ATG10: variants seen among roughly 807,000 people sequenced by gnomAD.
ATG10 encodes the protein ubiquitin-like-conjugating enzyme ATG10.
In ATG10, 30 loss-of-function variants were observed where a neutral mutation model predicts 32.1. That is an observed-to-expected ratio of 0.94 (90% CI 0.70 to 1.27). The LOEUF is 1.27. Ranked by LOEUF, ATG10 falls within the 50% of genes most tolerant of loss-of-function variation. The pLI is 0.00. For missense variants in ATG10, 233 were observed against 262.3 expected (o/e 0.89, Z 0.77); for synonymous variants, 87 against 91.5 (o/e 0.95, Z 0.28).
At chr5:82,187,073 C>T (rs1744475172) in intron 5 of ATG10, among the ~76,000 whole-genome samples, 3 of 150,792 alleles carry the variant, frequency 2.0e-5, no homozygotes, top group Admixed American at 6.6e-5. Flanking sequence ...CTCAGGAGGC[C>T]GAGGTGGGAG....
At chr5:82,064,884 A>T (rs988585632) in intron 3 of ATG10, among the ~76,000 whole-genome samples, 3 of 152,160 alleles carry the variant, frequency 2.0e-5, no homozygotes, top group Non-Finnish European at 2.9e-5. Flanking sequence ...ATTCATTTCA[A>T]CTCATGATAT....
At position 82,090,279 on chromosome 5, in the gene ATG10, A is replaced by G. The variant is rs537905704; in HGVS notation, c.216+31677A>G. Reference sequence around the variant, plus strand: ...TCTGGGCATCTATCCCCGAGAAATTAAAACTTATGTTCACTCAAAAACCTG... The same window carrying G: ...TCTGGGCATCTATCCCCGAGAAATTGAAACTTATGTTCACTCAAAAACCTG... On this transcript the variant is annotated intron_variant, in intron 3 of 7. Coordinates refer to ENST00000282185, the MANE Select transcript of ATG10 (RefSeq NM_031482.5). 3.3e-5 allele frequency among the ~76,000 whole-genome samples: 5 copies of G among 152,294 alleles called. No individual in the cohort carries two copies. The East Asian group carries it at 9.6e-4, about 29-fold the overall frequency.
intron 2 of ATG10, among the ~76,000 whole-genome samples, chr5:81,999,126 A>G (rs1007709571): frequency 2.2e-4 from 33 of 150,480 alleles, no homozygotes; most frequent in African/African-American, 7.8e-4. Flanking sequence ...ACACTCAGAC[A>G]TAAAAAAATC....
At chr5:82,191,702 G>T (rs1229280970) in intron 5 of ATG10, among the ~76,000 whole-genome samples, 1 of 152,080 alleles carries the variant, frequency 6.6e-6, no homozygotes, top group East Asian at 1.9e-4. Context: ...TTCTCAAAAC[G>T]GTATTGTATT....
chr5:82,020,509 A>G (rs1762406105), intron 2 of ATG10, among the ~76,000 whole-genome samples: 1 of 152,212 alleles, frequency 6.6e-6, no homozygotes, highest in South Asian at 2.1e-4. Context: ...TAAAACAACC[A>G]TTTATTATTT....
chr5:82,205,453 T>A (rs533139623), intron 5 of ATG10, among the ~76,000 whole-genome samples: 1 of 152,028 alleles, frequency 6.6e-6, no homozygotes, highest in African/African-American at 2.4e-5. Flanking sequence ...GAAGGGAAGA[T>A]AGGAGGAAGA....
In ATG10 at chr5:82,048,286, T is replaced by C. The variant is rs565147640; in HGVS notation, c.109-10209T>C. Among the ~76,000 whole-genome samples, 62 of 143,186 alleles carry C rather than the reference T, an allele frequency of 4.3e-4. 1 individual carries two copies. In the South Asian group the frequency reaches 8.1e-3, roughly 19 times the overall value. 93.9% of individuals were successfully genotyped at this position (143,186 alleles called of 152,430 possible). A position where few individuals can be genotyped will look rare whatever the true frequency, so the allele number is the denominator to read the frequency against. ...ATTGGTAGCTTGATGGGGATGGTAT[T>C]GAATCTGTAAATTACCTTGGGCAGT... is the stretch of plus-strand genomic sequence containing the variant. On this transcript the variant is annotated intron_variant, in intron 2 of 7. Transcript: ENST00000282185.
intron 2 of ATG10, among the ~76,000 whole-genome samples, chr5:82,012,491 T>C (rs1762155128): frequency 6.6e-6 from 1 of 152,178 alleles, no homozygotes; most frequent in Admixed American, 6.5e-5. Flanking sequence ...AATCTATGCA[T>C]CACTTAACTT....
intron 3 of ATG10, among the ~76,000 whole-genome samples, chr5:82,129,311 G>T (rs1025138154): frequency 6.6e-6 from 1 of 151,814 alleles, no homozygotes; most frequent in Admixed American, 6.6e-5. Flanking sequence ...GCTTGTAGGA[G>T]TTTATTACCC....
At chr5:81,974,943 A>G (rs1434503123) in intron 1 of ATG10, among the ~76,000 whole-genome samples, 1 of 152,004 alleles carries the variant, frequency 6.6e-6, no homozygotes, top group East Asian at 1.9e-4. Flanking sequence ...TTCTTTCTAT[A>G]TCCTCCTATA....
chr5:81,996,706 C>T lies in ATG10; in HGVS notation c.108+9028C>T, dbSNP rs139629737. 1.8e-4 allele frequency among the ~76,000 whole-genome samples: 27 copies of T among 152,268 alleles called. No homozygotes were observed. In the South Asian group the frequency reaches 3.5e-3, roughly 20 times the overall value. On this transcript the variant is annotated intron_variant, in intron 2 of 7. Coordinates refer to ENST00000282185, the MANE Select transcript of ATG10 (RefSeq NM_031482.5). ...TGCAACTGAAAGTAAAATTTGTAGA[C>T]GGAATATCATAGTGGTTAAGACCTT...
At chr5:82,119,665 TG>T (rs1443600947) in intron 3 of ATG10, among the ~76,000 whole-genome samples, 1 of 152,152 alleles carries the variant, frequency 6.6e-6, no homozygotes, top group African/African-American at 2.4e-5. Flanking sequence ...TTCAGCATGT[TG>T]GCCAGGCTGG....
chr5:82,117,733 G>A (rs548658164), intron 3 of ATG10, among the ~76,000 whole-genome samples: 8 of 152,250 alleles, frequency 5.3e-5, no homozygotes, highest in African/African-American at 1.7e-4. Context: ...CCAGGTATTA[G>A]AAAGGAAGAT....
intron 2 of ATG10, among the ~76,000 whole-genome samples, chr5:82,037,032 G>A (rs535338601): frequency 1.4e-5 from 2 of 146,964 alleles, no homozygotes; most frequent in East Asian, 4.2e-4. Flanking sequence ...TTGGGAGGCT[G>A]AGGCGGGAGA....
At chr5:82,230,604 G>A (rs1032748562) in intron 5 of ATG10, among the ~76,000 whole-genome samples, 9 of 151,608 alleles carry the variant, frequency 5.9e-5, no homozygotes, top group African/African-American at 1.2e-4. Context: ...GTGGTGGCAC[G>A]CTCCTGTAGT....
chr5:82,001,833 A>T (rs1432232767), intron 2 of ATG10, among the ~76,000 whole-genome samples: 1 of 152,236 alleles, frequency 6.6e-6, no homozygotes, highest in Non-Finnish European at 1.5e-5. Flanking sequence ...AGAAACTATC[A>T]ACAGAGTAAA....
intron 2 of ATG10, among the ~76,000 whole-genome samples, chr5:82,051,348 T>A (rs546031808): frequency 1.2e-4 from 18 of 152,286 alleles, no homozygotes; most frequent in African/African-American, 4.3e-4. Flanking sequence ...GAGATGTAAC[T>A]CCAGCCCTTT....
At chr5:82,003,793 C>G (rs1282253501) in intron 2 of ATG10, among the ~76,000 whole-genome samples, 1 of 152,064 alleles carries the variant, frequency 6.6e-6, no homozygotes, top group Non-Finnish European at 1.5e-5. Flanking sequence ...AACCAAATAG[C>G]CTGATTTGAT....
intron 2 of ATG10, among the ~76,000 whole-genome samples, chr5:82,054,941 G>A (rs1763544487): frequency 6.6e-6 from 1 of 152,168 alleles, no homozygotes; most frequent in Admixed American, 6.5e-5. Flanking sequence ...AGCTAGAGAG[G>A]AGTGTTAATT....
Sources: allele counts gnomAD v4.1 joint callset (sites outside exome capture counted in the v4.1 genomes callset), GRCh38; gene constraint gnomAD v4.1.1; transcripts MANE v1.5; gene names NCBI Gene and HGNC (gene_info 2026-07-23, HGNC 2026-07-21).